SCAPER: variants seen among roughly 807,000 people sequenced by gnomAD.
SCAPER encodes S-phase cyclin A associated protein in the ER.
Under a neutral mutation model 182.2 loss-of-function variants are expected in SCAPER, and 98 were observed. That is an observed-to-expected ratio of 0.54 (90% CI 0.46 to 0.64). The LOEUF is 0.64. Among genes scored for constraint, SCAPER ranks in the 30% least tolerant of loss-of-function variants. SCAPER has a pLI of 0.00. For synonymous variants in SCAPER, 605 were observed against 564.6 expected (o/e 1.07, Z -1.01); for missense variants, 1,432 against 1,690.0 (o/e 0.85, Z 2.68).
At chr15:76,750,622 T>C (rs746222691) in intron 15 of SCAPER, among the ~76,000 whole-genome samples, 9 of 151,856 alleles carry the variant, frequency 5.9e-5, no homozygotes, top group Admixed American at 1.3e-4. Context: ...AACTGGCCAA[T>C]GTAACATTAC....
chr15:76,467,864 G>A (rs2049810894), intron 25 of SCAPER, among the ~76,000 whole-genome samples: 1 of 152,040 alleles, frequency 6.6e-6, no homozygotes, highest in South Asian at 2.1e-4. Flanking sequence ...AAATACAAGA[G>A]TGCCAAAACA....
intron 22 of SCAPER, among the ~76,000 whole-genome samples, chr15:76,591,066 T>C (rs924528296): frequency 2.0e-5 from 3 of 152,138 alleles, no homozygotes; most frequent in South Asian, 2.1e-4. Context: ...GAGAATGACT[T>C]AATGGGTATA....
intron 24 of SCAPER, among the ~76,000 whole-genome samples, chr15:76,474,365 G>C (rs577490218): frequency 2.0e-5 from 3 of 152,166 alleles, no homozygotes; most frequent in African/African-American, 7.2e-5. Flanking sequence ...ATGGTGAAGA[G>C]AGACCTTGTT....
At chr15:76,574,643 G>C (rs1245073156) in intron 22 of SCAPER, among the ~76,000 whole-genome samples, 1 of 152,092 alleles carries the variant, frequency 6.6e-6, no homozygotes, top group Non-Finnish European at 1.5e-5. Flanking sequence ...ACCTGAGCAG[G>C]TTTTTATATT....
intron 20 of SCAPER, among the ~76,000 whole-genome samples, chr15:76,683,656 A>G (rs2057862693): frequency 6.6e-6 from 1 of 152,162 alleles, no homozygotes; most frequent in Non-Finnish European, 1.5e-5. Context: ...AAAGGTAGCT[A>G]GAAAGAAGGC....
intron 23 of SCAPER, among the ~76,000 whole-genome samples, chr15:76,537,829 G>A (rs562657203): frequency 6.6e-6 from 1 of 152,036 alleles, no homozygotes; most frequent in Non-Finnish European, 1.5e-5. Flanking sequence ...TCTGACAAAG[G>A]GCTAATATCC....
chr15:76,893,792 T>G (rs1304655736), intron 1 of SCAPER, among the ~76,000 whole-genome samples: 5 of 152,046 alleles, frequency 3.3e-5, no homozygotes, highest in Admixed American at 3.3e-4. Flanking sequence ...TATGTGGAAA[T>G]TAAACAACAC....
At chr15:76,895,545 T>A (rs1415598033) in intron 1 of SCAPER, among the ~76,000 whole-genome samples, 1 of 151,236 alleles carries the variant, frequency 6.6e-6, no homozygotes, top group Non-Finnish European at 1.5e-5. Context: ...AAAATAAAAG[T>A]ACTCAAGTTA....
intron 22 of SCAPER, among the ~76,000 whole-genome samples, chr15:76,607,662 C>T (rs145546403): frequency 0.011 from 1,633 of 152,322 alleles, 29 homozygotes; most frequent in African/African-American, 0.037. Context: ...ACCAATCAGA[C>T]GCAGATTTGG....
At chr15:76,874,798 A>T (rs746668106) in intron 2 of SCAPER, among the ~76,000 whole-genome samples, 1 of 152,090 alleles carries the variant, frequency 6.6e-6, no homozygotes, top group Non-Finnish European at 1.5e-5. Context: ...TCTACTAAAA[A>T]TAAAAATAAA....
At position 76,834,235 on chromosome 15, in the gene SCAPER, C is replaced by T. The variant is rs927174897; in HGVS notation, c.393+7499G>A. Among the ~76,000 whole-genome samples, 38 of 152,112 alleles carry T rather than the reference C, an allele frequency of 2.5e-4. 1 individual carries two copies. The highest frequency in any genetic ancestry group is 2.5e-3 in the Admixed American group (38 of 15,266). On this transcript the variant is annotated intron_variant, in intron 5 of 31. Transcript: ENST00000563290. ...AATTACATGGAAATTAAGCAACCTGCTCATGAGTCATTTTTGGATAAGCAA... is the reference window on the plus strand; with the variant it reads ...AATTACATGGAAATTAAGCAACCTGTTCATGAGTCATTTTTGGATAAGCAA...
chr15:76,397,044 T>C (rs1210029277), intron 27 of SCAPER, among the ~76,000 whole-genome samples: 1 of 151,788 alleles, frequency 6.6e-6, no homozygotes, highest in Non-Finnish European at 1.5e-5. Flanking sequence ...TGAAGTGATG[T>C]TGAATTTCAT....
At chr15:76,881,628 C>G (rs2073544746) in intron 2 of SCAPER, among the ~76,000 whole-genome samples, 1 of 152,014 alleles carries the variant, frequency 6.6e-6, no homozygotes, top group South Asian at 2.1e-4. Flanking sequence ...ATAAGCCAAA[C>G]ACAAAAAGAC....
intron 23 of SCAPER, among the ~76,000 whole-genome samples, chr15:76,525,811 G>A (rs578031957): frequency 6.6e-6 from 1 of 152,270 alleles, no homozygotes; most frequent in Non-Finnish European, 1.5e-5. Flanking sequence ...ATAGCACAGC[G>A]GTGAACATAA....
chr15:76,629,255 T>A (rs527934108), intron 21 of SCAPER, among the ~76,000 whole-genome samples: 1 of 152,260 alleles, frequency 6.6e-6, no homozygotes, highest in Non-Finnish European at 1.5e-5. Flanking sequence ...TTTATTTTTT[T>A]CTCTTGCCTG....
intron 4 of SCAPER, among the ~76,000 whole-genome samples, chr15:76,854,049 T>A (rs2071064549): frequency 6.6e-6 from 1 of 152,126 alleles, no homozygotes; most frequent in Non-Finnish European, 1.5e-5. Context: ...GGCAGGCGGA[T>A]CACGAGGTCA....
At chr15:76,635,954 T>C (rs2053557513) in intron 21 of SCAPER, among the ~76,000 whole-genome samples, 1 of 152,230 alleles carries the variant, frequency 6.6e-6, no homozygotes, top group Admixed American at 6.5e-5. Context: ...GCTGCATTCC[T>C]AAAATATTTT....
At position 76,574,101 on chromosome 15, in the gene SCAPER, CAT is replaced by C. The variant is rs1257070672; in HGVS notation, c.2838+55_2838+56del. 1.9e-6 allele frequency: 3 copies of C among 1,544,942 alleles called. No homozygotes were observed. The Admixed American group carries it at 5.7e-5, about 29-fold the overall frequency. ...TCTGCCTTATAGCTCTATGTACTGT[CAT>C]AGTGAGAAAGGATCACAAAGATTAA... On this transcript the variant is annotated intron_variant, in intron 23 of 31. Transcript: ENST00000563290.
chr15:76,628,784 A>C (rs914201111), intron 21 of SCAPER, among the ~76,000 whole-genome samples: 1 of 152,188 alleles, frequency 6.6e-6, no homozygotes, highest in Non-Finnish European at 1.5e-5. Flanking sequence ...TGAATTTTAA[A>C]ATAGTTTATT....
Sources: gnomAD v4.1 joint callset for allele counts (sites outside exome capture counted in the v4.1 genomes callset) on GRCh38, gnomAD v4.1.1 for gene constraint, MANE v1.5 for transcripts, NCBI Gene and HGNC (gene_info 2026-07-23, HGNC 2026-07-21) for gene names.